Variants in MTMR9 observed in about 807,000 individuals in gnomAD.
The protein encoded by MTMR9 is myotubularin-related protein 9.
Under a neutral mutation model 69.5 loss-of-function variants are expected in MTMR9, and 39 were observed. That is an observed-to-expected ratio of 0.56 (90% CI 0.43 to 0.73). The LOEUF is 0.73. Ranked by LOEUF, MTMR9 falls within the 30% of genes least tolerant of loss-of-function variation. MTMR9 has a pLI of 0.00. For synonymous variants in MTMR9, 354 were observed against 240.8 expected, an observed-to-expected ratio of 1.47 and a Z score of -4.35; for missense variants, 900 against 671.2, an observed-to-expected ratio of 1.34 and a Z score of -3.77.
In MTMR9 at chr8:11,300,262, C is replaced by T; in HGVS notation, c.417+114C>T. ...ATAAGGTGAAGTTGACTTATCCATT[C>T]CTAATCTTAATATATTTAAAAGGAT... On this transcript the variant is annotated intron_variant, in intron 3 of 9. Transcript: ENST00000221086. 3.5e-6 allele frequency: 4 copies of T among 1,136,736 alleles called. No individual in the cohort carries two copies. In the South Asian group the frequency reaches 5.8e-5, roughly 17 times the overall value. The allele number at this position is 1,136,736 out of a possible 1,614,324, so 70.4% of individuals were successfully genotyped here.
chr8:11,289,763 T>A (rs1799315213), intron 1 of MTMR9, among the ~76,000 whole-genome samples: 2 of 152,138 alleles, frequency 1.3e-5, no homozygotes, highest in Admixed American at 1.3e-4. Context: ...GTTCTGCTTC[T>A]TAATATGGTG....
At chr8:11,286,017 A>G (rs530078400) in intron 1 of MTMR9, among the ~76,000 whole-genome samples, 4 of 145,910 alleles carry the variant, frequency 2.7e-5, no homozygotes, top group South Asian at 2.2e-4. Context: ...GCGGTGGCCA[A>G]TCTCGGCTCA....
At position 11,300,048 on chromosome 8, in the gene MTMR9, C is replaced by T; in HGVS notation, c.317C>T (p.Thr106Ile). The T allele has an allele frequency of 6.2e-7, 1 of 1,613,496 alleles. No homozygotes were observed. The highest frequency in any genetic ancestry group is 8.5e-7 in the Non-Finnish European group (1 of 1,179,602). ...GCATTGTCTACTCTGGACTCCATCACTCTGATGTACCCTTTCTTTTACCGT... is the reference window on the plus strand; with the variant it reads ...GCATTGTCTACTCTGGACTCCATCATTCTGATGTACCCTTTCTTTTACCGT... ...IEALSTLDSITLMYPFFYRPM... is the reference protein window; with the variant it reads ...IEALSTLDSIILMYPFFYRPM... The change falls in exon 3 of 10, where the codon ACT (threonine) becomes ATT (isoleucine). Residue 106 changes from threonine to isoleucine, a missense_variant. By Grantham distance (89) the Thr-to-Ile change is moderately conservative. Coordinates refer to ENST00000221086, the MANE Select transcript of MTMR9 (RefSeq NM_015458.4).
downstream of MTMR9, among the ~76,000 whole-genome samples, chr8:11,329,309 C>G (rs931471624): frequency 6.6e-6 from 1 of 152,218 alleles, no homozygotes; most frequent in African/African-American, 2.4e-5. Flanking sequence ...GGGAAGATCA[C>G]TTGAGCCCAG....
At chr8:11,298,897 T>C (rs1799654377) in intron 2 of MTMR9, 1 of 984,216 alleles carries the variant, frequency 1.0e-6, no homozygotes, top group Non-Finnish European at 1.2e-6. Context: ...CATTTGGGGC[T>C]GATAGAGTTA....
At chr8:11,305,527 G>C (rs1799906898) in intron 4 of MTMR9, among the ~76,000 whole-genome samples, 1 of 152,270 alleles carries the variant, frequency 6.6e-6, no homozygotes, top group Middle Eastern at 3.4e-3. Flanking sequence ...CGTCTTGAAA[G>C]AACTCTAAAC....
chr8:11,308,646 C>T (rs1000057844), intron 5 of MTMR9, among the ~76,000 whole-genome samples: 1 of 152,194 alleles, frequency 6.6e-6, no homozygotes, highest in Non-Finnish European at 1.5e-5. Context: ...TAATTGTTCA[C>T]AGTAGTCTCT....
intron 5 of MTMR9, among the ~76,000 whole-genome samples, chr8:11,308,025 G>A (rs562922169): frequency 6.6e-6 from 1 of 152,212 alleles, no homozygotes; most frequent in South Asian, 2.1e-4. Context: ...TTGTTTTGCT[G>A]TGCAAAACTT....
chr8:11,325,894 G>C lies in MTMR9; in HGVS notation c.*3106G>C, dbSNP rs1800910506. 6.6e-6 allele frequency: 1 copy of C among 152,108 alleles called. No individual in the cohort carries two copies. Among genetic ancestry groups the C allele is most frequent in the Admixed American group, 6.5e-5 (1 of 15,274 alleles). The allele number at this position is 152,108 out of a possible 1,614,324, so 9.4% of individuals were successfully genotyped here. On this transcript the variant is annotated 3_prime_UTR_variant, in exon 10 of 10. Transcript: ENST00000221086. ...GGGTCTCAAAGCAAGATTTTAAAGTGATTTTTGAGAAGACTTGGGGGGGAC... is the reference window on the plus strand; with the variant it reads ...GGGTCTCAAAGCAAGATTTTAAAGTCATTTTTGAGAAGACTTGGGGGGGAC...
chr8:11,288,321 A>G (rs1033458754), intron 1 of MTMR9, among the ~76,000 whole-genome samples: 1 of 140,398 alleles, frequency 7.1e-6, no homozygotes, highest in Non-Finnish European at 1.5e-5. Flanking sequence ...TATATATAAT[A>G]TATATACATA....
chr8:11,312,067 C>A (rs569565377), intron 6 of MTMR9, among the ~76,000 whole-genome samples: 6 of 152,076 alleles, frequency 3.9e-5, no homozygotes, highest in Non-Finnish European at 8.8e-5. Flanking sequence ...ATTTAGGAGA[C>A]AGGGCCTTGC....
chr8:11,314,577 A>G (rs1369211499), intron 6 of MTMR9, among the ~76,000 whole-genome samples: 2 of 152,184 alleles, frequency 1.3e-5, no homozygotes, highest in Non-Finnish European at 2.9e-5. Flanking sequence ...CAGAAAGGGT[A>G]AATGCCTTCT....
chr8:11,320,029 T>TC (rs1009974494), intron 9 of MTMR9, 191 bp downstream of exon 9: 12 of 513,710 alleles, frequency 2.3e-5, no homozygotes, highest in African/African-American at 2.1e-4. Flanking sequence ...TTTTTTTTTT[T>TC]CAGTTACCAT....
At chr8:11,305,297 T>G (rs758062707) in intron 4 of MTMR9, among the ~76,000 whole-genome samples, 53 of 152,328 alleles carry the variant, frequency 3.5e-4, no homozygotes, top group South Asian at 6.2e-4. Flanking sequence ...ATTTGATGCT[T>G]ACAGCAACAT....
At chr8:11,339,200 T>A in the MTMR9 span, among the ~76,000 whole-genome samples, 3 of 152,236 alleles carry the variant, frequency 2.0e-5, no homozygotes, top group Non-Finnish European at 4.4e-5. Flanking sequence ...TCTATTATAA[T>A]CTTAATTAAG....
chr8:11,287,916 A>G (rs1293556630), intron 1 of MTMR9, among the ~76,000 whole-genome samples: 3 of 128,012 alleles, frequency 2.3e-5, no homozygotes, highest in Non-Finnish European at 4.7e-5. Context: ...CATAATATGT[A>G]TTATATATTA....
intron 5 of MTMR9, 62 bp downstream of exon 5, chr8:11,306,469 TAG>T: frequency 7.0e-7 from 1 of 1,437,530 alleles, no homozygotes; most frequent in Non-Finnish European, 9.7e-7. Context: ...GGTAAGGCCT[TAG>T]CCATTTGAAA....
chr8:11,306,860 C>T (rs1799958271), intron 5 of MTMR9, among the ~76,000 whole-genome samples: 1 of 152,220 alleles, frequency 6.6e-6, no homozygotes, highest in African/African-American at 2.4e-5. Flanking sequence ...CTGTGTCCCT[C>T]CTACCCCGAC....
chr8:11,304,312 C>T (rs956339116), intron 3 of MTMR9, among the ~76,000 whole-genome samples: 6 of 152,102 alleles, frequency 3.9e-5, no homozygotes, highest in Admixed American at 3.9e-4. Flanking sequence ...TAGCTGTGTT[C>T]TCATTTGTTC....
Sources: gnomAD v4.1 joint callset for allele counts (sites outside exome capture counted in the v4.1 genomes callset) on GRCh38, gnomAD v4.1.1 for gene constraint, MANE v1.5 for transcripts, NCBI Gene and HGNC (gene_info 2026-07-23, HGNC 2026-07-21) for gene names.